Variants in TRAPPC9 observed in about 807,000 individuals in gnomAD.
TRAPPC9 encodes trafficking protein particle complex subunit 9.
Under a neutral mutation model 124.0 loss-of-function variants are expected in TRAPPC9, and 83 were observed. The observed-to-expected ratio is 0.67, with a 90% CI of 0.56 to 0.80. The LOEUF (loss-of-function observed/expected upper bound fraction) is 0.80, where lower values mean the gene tolerates loss of function less well. Among genes scored for constraint, TRAPPC9 ranks in the 30% least tolerant of loss-of-function variants. The pLI is 0.00. For missense variants in TRAPPC9, 1,302 were observed against 1,508.3 expected, an observed-to-expected ratio of 0.86 and a Z score of 2.27; for synonymous variants, 638 against 617.5, an observed-to-expected ratio of 1.03 and a Z score of -0.49.
At chr8:140,214,484 C>T (rs2063143629) in intron 17 of TRAPPC9, among the ~76,000 whole-genome samples, 1 of 152,230 alleles carries the variant, frequency 6.6e-6, no homozygotes, top group Non-Finnish European at 1.5e-5. Context: ...CTGACCAAAT[C>T]TCATTTTCCT....
intron 21 of TRAPPC9, among the ~76,000 whole-genome samples, chr8:139,850,993 T>A (rs1827407931): frequency 6.6e-6 from 1 of 152,168 alleles, no homozygotes; most frequent in African/African-American, 2.4e-5. Flanking sequence ...GCAGAAGCTC[T>A]CCATCCACAG....
At chr8:139,868,622 T>C (rs1828698468) in intron 21 of TRAPPC9, among the ~76,000 whole-genome samples, 1 of 152,220 alleles carries the variant, frequency 6.6e-6, no homozygotes, top group Admixed American at 6.5e-5. Context: ...TGGTCCTTGC[T>C]TTGCAGACTG....
chr8:140,111,994 A>C (rs1401848942), intron 17 of TRAPPC9, among the ~76,000 whole-genome samples: 2 of 152,290 alleles, frequency 1.3e-5, no homozygotes, highest in African/African-American at 4.8e-5. Flanking sequence ...GGTATGTTTC[A>C]TAAAATATTC....
chr8:140,034,314 C>T (rs561769446), intron 17 of TRAPPC9, among the ~76,000 whole-genome samples: 1 of 152,178 alleles, frequency 6.6e-6, no homozygotes, highest in African/African-American at 2.4e-5. Context: ...TACTTCATAA[C>T]CTGGCTTTAC....
chr8:140,034,052 TA>T (rs1006828726), intron 17 of TRAPPC9, among the ~76,000 whole-genome samples: 6 of 152,196 alleles, frequency 3.9e-5, no homozygotes, highest in Non-Finnish European at 8.8e-5. Flanking sequence ...TTCCAGATGG[TA>T]ATAGTGTTTC....
rs1432814201 is a variant in TRAPPC9, at chr8:139,790,049, C to T, written c.3056-57847G>A. ...GGCCGGGCTGGGGAACATGACGCCGCGTCGCTGCTGAGCGGGAACAGCAGG... is the reference window on the plus strand; with the variant it reads ...GGCCGGGCTGGGGAACATGACGCCGTGTCGCTGCTGAGCGGGAACAGCAGG... On this transcript the variant is annotated intron_variant, in intron 21 of 22. Transcript: ENST00000438773. Among the ~76,000 whole-genome samples, 4 of 152,304 alleles carry T rather than the reference C, an allele frequency of 2.6e-5. No homozygotes were observed. The East Asian group carries it at 5.8e-4, about 22-fold the overall frequency.
intron 21 of TRAPPC9, among the ~76,000 whole-genome samples, chr8:139,796,061 GA>G (rs1259816023): frequency 1.0e-4 from 14 of 138,836 alleles, no homozygotes; most frequent in African/African-American, 2.2e-4. Flanking sequence ...GGAGGAAGAG[GA>G]AGAAGAGGAG....
At chr8:140,453,273 G>T (rs180704530) in intron 1 of TRAPPC9, among the ~76,000 whole-genome samples, 1 of 152,146 alleles carries the variant, frequency 6.6e-6, no homozygotes, top group African/African-American at 2.4e-5. Context: ...TCAGCTTCAG[G>T]CCCCTTCCAT....
chr8:139,898,956 C>A (rs1481913852), intron 20 of TRAPPC9, among the ~76,000 whole-genome samples: 1 of 151,680 alleles, frequency 6.6e-6, no homozygotes, highest in Non-Finnish European at 1.5e-5. Context: ...CCCGTCTCCA[C>A]TAAAAATACA....
chr8:139,949,427 T>A (rs530393039), intron 19 of TRAPPC9, among the ~76,000 whole-genome samples: 1 of 152,154 alleles, frequency 6.6e-6, no homozygotes, highest in South Asian at 2.1e-4. Flanking sequence ...AACATTTCCA[T>A]ATAAAAACGC....
chr8:140,383,957 C>T (rs2068683371), intron 7 of TRAPPC9, among the ~76,000 whole-genome samples: 1 of 152,112 alleles, frequency 6.6e-6, no homozygotes, highest in Non-Finnish European at 1.5e-5. Context: ...AGACTAACAG[C>T]GGATCTCTCG....
intron 21 of TRAPPC9, among the ~76,000 whole-genome samples, chr8:139,733,135 T>A (rs902094428): frequency 2.0e-5 from 3 of 151,954 alleles, no homozygotes; most frequent in South Asian, 4.2e-4. Flanking sequence ...AAGTGAAAGG[T>A]CCCGATAGGA....
At chr8:140,163,795 A>G (rs1208897011) in intron 17 of TRAPPC9, among the ~76,000 whole-genome samples, 3 of 152,230 alleles carry the variant, frequency 2.0e-5, no homozygotes, top group African/African-American at 7.2e-5. Flanking sequence ...GTCTCCAAAC[A>G]TGGATAAGGT....
intron 15 of TRAPPC9, among the ~76,000 whole-genome samples, chr8:140,264,604 G>A (rs1412822161): frequency 7.0e-6 from 1 of 143,876 alleles, no homozygotes; most frequent in African/African-American, 2.7e-5. Flanking sequence ...GGAGGGGGAG[G>A]GGGAAGGGAG....
intron 19 of TRAPPC9, among the ~76,000 whole-genome samples, chr8:139,924,433 A>C (rs970631395): frequency 2.0e-5 from 3 of 152,160 alleles, no homozygotes; most frequent in Non-Finnish European, 4.4e-5. Flanking sequence ...AAAGGCATTC[A>C]AAGCCCCCCA....
chr8:140,350,398 A>G (rs199911305), intron 9 of TRAPPC9, among the ~76,000 whole-genome samples: 1 of 152,206 alleles, frequency 6.6e-6, no homozygotes, highest in East Asian at 1.9e-4. Context: ...CAGATGGGGA[A>G]GTGACATTTA....
intron 19 of TRAPPC9, among the ~76,000 whole-genome samples, chr8:139,938,896 C>T (rs562154291): frequency 3.3e-5 from 5 of 152,288 alleles, no homozygotes; most frequent in South Asian, 2.1e-4. Flanking sequence ...CCACCCGCCT[C>T]GGCCTCCCAA....
intron 20 of TRAPPC9, among the ~76,000 whole-genome samples, chr8:139,898,643 A>T (rs1830817223): frequency 6.6e-6 from 1 of 152,132 alleles, no homozygotes; most frequent in African/African-American, 2.4e-5. Context: ...CTCAACTCAG[A>T]GCCACATTCG....
intron 7 of TRAPPC9, among the ~76,000 whole-genome samples, chr8:140,378,354 G>A (rs1027936201): frequency 5.9e-5 from 9 of 152,146 alleles, no homozygotes; most frequent in South Asian, 2.1e-4. Context: ...TGCTGCCAGC[G>A]CAGCTAAGAA....
Sources: allele counts gnomAD v4.1 joint callset (sites outside exome capture counted in the v4.1 genomes callset), GRCh38; gene constraint gnomAD v4.1.1; transcripts MANE v1.5; gene names NCBI Gene and HGNC (gene_info 2026-07-23, HGNC 2026-07-21).